Variants in AFF2 observed in about 807,000 individuals in gnomAD.
The protein encoded by AFF2 is ALF transcription elongation factor 2.
In AFF2, 14 loss-of-function variants were observed where a neutral mutation model predicts 76.9. That is an observed-to-expected ratio of 0.18 (90% CI 0.12 to 0.28). The LOEUF (loss-of-function observed/expected upper bound fraction) is 0.28. AFF2 is among the 10% of genes least tolerant of loss of function. The probability of loss-of-function intolerance (pLI) is 1.00; values close to 1 mark genes in which losing one functional copy is unlikely to be tolerated. For synonymous variants in AFF2, 398 were observed against 366.7 expected (o/e 1.09, Z -0.98); for missense variants, 868 against 1,001.1 (o/e 0.87, Z 1.79).
At chrX:148,805,650 G>T (rs2070120969) in intron 3 of AFF2, among the ~76,000 whole-genome samples, 1 of 112,339 alleles carries the variant, frequency 8.9e-6, no homozygotes, top group African/African-American at 3.2e-5. Context: ...GCAGTTAATT[G>T]AATATTTGAT....
At chrX:148,525,574 G>A (rs1258930036) in intron 1 of AFF2, among the ~76,000 whole-genome samples, 1 of 111,580 alleles carries the variant, frequency 9.0e-6, no homozygotes, top group Non-Finnish European at 1.9e-5. Flanking sequence ...ACATTAGGTT[G>A]TGGGCTATAG....
intron 1 of AFF2, among the ~76,000 whole-genome samples, chrX:148,534,624 G>C (rs1340062389): frequency 4.5e-5 from 5 of 111,996 alleles, no homozygotes; most frequent in Non-Finnish European, 5.6e-5. Context: ...TTGTTGTAAA[G>C]GTTGAATAAA....
At chrX:148,841,538 T>C (rs781881584) in intron 5 of AFF2, among the ~76,000 whole-genome samples, 4 of 112,102 alleles carry the variant, frequency 3.6e-5, no homozygotes, top group Non-Finnish European at 3.8e-5. Flanking sequence ...AATATTATAC[T>C]ATGCTGCAAT....
chrX:148,652,008 A>T lies in AFF2; in HGVS notation c.57A>T (p.Glu19Asp), dbSNP rs1557256402. The T allele has an allele frequency of 8.4e-7, 1 of 1,196,602 alleles. No individual in the cohort carries two copies. The highest frequency in any genetic ancestry group is 3.0e-5 in the East Asian group (1 of 33,563). The change falls in exon 2 of 21, where the codon GAA (glutamate) becomes GAT (aspartate). Residue 19 changes from glutamate (E) to aspartate (D), a missense_variant. Transcript: ENST00000370460. The stretch of plus-strand genomic sequence containing the variant: ...TTCCTTTTCATATCAGTCACTATGA[A>T]CAAGACCGTAGTGCACTTAAAAAAA... ...DWDLEQQCHY[E>D]QDRSALKKRE...
chrX:148,558,585 T>C (rs576214013), intron 1 of AFF2, among the ~76,000 whole-genome samples: 2 of 111,822 alleles, frequency 1.8e-5, no homozygotes, highest in Admixed American at 1.9e-4. Context: ...TATGCTCTCA[T>C]GCCTGTCTCC....
chrX:148,582,459 C>A (rs374522525), intron 1 of AFF2, among the ~76,000 whole-genome samples: 8 of 111,524 alleles, frequency 7.2e-5, no homozygotes, highest in African/African-American at 2.6e-4. Flanking sequence ...ATACAAATGT[C>A]CAATAAGCAT....
chrX:148,956,657 CTGTT>C (rs782480135), intron 11 of AFF2, 44 bp downstream of exon 11: 12 of 1,117,966 alleles, frequency 1.1e-5, no homozygotes, highest in African/African-American at 5.5e-5. Context: ...TGAGCAGTGT[CTGTT>C]TGTTGTCTAA....
At chrX:148,864,691 G>C (rs1385806704) in intron 7 of AFF2, among the ~76,000 whole-genome samples, 2 of 111,861 alleles carry the variant, frequency 1.8e-5, no homozygotes, top group Non-Finnish European at 3.8e-5. Flanking sequence ...CCTACCACTG[G>C]AACTGGACGT....
At chrX:148,698,802 T>G (rs969124641) in intron 3 of AFF2, among the ~76,000 whole-genome samples, 132 of 106,193 alleles carry the variant, frequency 1.2e-3, no homozygotes, top group Non-Finnish European at 2.1e-3. Context: ...CTAGTGTTTT[T>G]TTTTTTTTTT....
intron 19 of AFF2, among the ~76,000 whole-genome samples, chrX:148,986,908 A>T (rs782374623): frequency 3.6e-4 from 40 of 112,208 alleles, no homozygotes; most frequent in African/African-American, 1.3e-3. Context: ...ATGCCAGAGA[A>T]ATATCCACCC....
At chrX:148,638,347 C>T (rs782232394) in intron 1 of AFF2, among the ~76,000 whole-genome samples, 1 of 110,983 alleles carries the variant, frequency 9.0e-6, no homozygotes, top group East Asian at 2.9e-4. Context: ...GCATGTCTTA[C>T]ATGGTGGCCC....
chrX:148,515,114 T>G (rs2052521218), intron 1 of AFF2, among the ~76,000 whole-genome samples: 1 of 112,202 alleles, frequency 8.9e-6, no homozygotes, highest in Non-Finnish European at 1.9e-5. Flanking sequence ...TAAGCCATTT[T>G]TACCTTCCGT....
chrX:148,903,997 AC>A (rs1217221541), intron 8 of AFF2, among the ~76,000 whole-genome samples: 2 of 111,662 alleles, frequency 1.8e-5, no homozygotes, highest in Non-Finnish European at 3.8e-5. Flanking sequence ...TATCCACCTC[AC>A]AATTTCCACC....
intron 7 of AFF2, among the ~76,000 whole-genome samples, chrX:148,876,531 C>T (rs2071037651): frequency 1.8e-5 from 2 of 111,985 alleles, no homozygotes. Flanking sequence ...AGCAGAGAAA[C>T]AAGTCCATTC....
chrX:148,833,661 C>G (rs1160357153), intron 4 of AFF2, among the ~76,000 whole-genome samples: 1 of 110,413 alleles, frequency 9.1e-6, no homozygotes, highest in Non-Finnish European at 1.9e-5. Context: ...ATCCACCAAA[C>G]AGATCTGCCA....
chrX:148,841,115 G>C (rs1464723736), intron 5 of AFF2, among the ~76,000 whole-genome samples: 3 of 111,519 alleles, frequency 2.7e-5, no homozygotes, highest in Admixed American at 9.6e-5. Context: ...TAAAAATTCA[G>C]GCATAAGACC....
chrX:148,585,712 G>T (rs1027705855), intron 1 of AFF2, among the ~76,000 whole-genome samples: 38 of 109,392 alleles, frequency 3.5e-4, no homozygotes, highest in Admixed American at 9.7e-5. Context: ...GTGGTGGCAG[G>T]CGCCTGTATT....
At chrX:148,524,913 C>G (rs2052642145) in intron 1 of AFF2, among the ~76,000 whole-genome samples, 1 of 111,818 alleles carries the variant, frequency 8.9e-6, no homozygotes, top group African/African-American at 3.2e-5. Context: ...GCACCTCTCC[C>G]TTTTAAGTGT....
At chrX:148,581,160 T>TAC (rs71820379) in intron 1 of AFF2, among the ~76,000 whole-genome samples, 1 of 81,582 alleles carries the variant, frequency 1.2e-5, no homozygotes, top group Non-Finnish European at 2.4e-5. Context: ...CATATACGTA[T>TAC]ACACACATAC....
Sources: allele counts gnomAD v4.1 joint callset (sites outside exome capture counted in the v4.1 genomes callset), GRCh38; gene constraint gnomAD v4.1.1; transcripts MANE v1.5; gene names NCBI Gene and HGNC (gene_info 2026-07-23, HGNC 2026-07-21).